RABGEF1: variants seen among roughly 807,000 people sequenced by gnomAD.
RABGEF1 encodes RAB guanine nucleotide exchange factor 1.
RABGEF1 carries 26 observed loss-of-function variants against 57.3 expected under a neutral mutation model. The ratio of observed to expected loss-of-function variants is 0.45; its 90% CI spans 0.33 to 0.63. The LOEUF is 0.63. RABGEF1 is among the 20% of genes least tolerant of loss of function. The pLI, the probability that RABGEF1 is intolerant of heterozygous loss-of-function variation, is 0.02. For synonymous variants in RABGEF1, 185 were observed against 210.7 expected (o/e 0.88, Z 1.06); for missense variants, 464 against 607.6 (o/e 0.76, Z 2.48).
In RABGEF1 at chr7:66,795,530, A is replaced by C; in HGVS notation, c.533A>C (p.Gln178Pro). 1 of 1,611,700 alleles carries C rather than the reference A, an allele frequency of 6.2e-7. No individual in the cohort carries two copies. Among genetic ancestry groups the C allele is most frequent in the Non-Finnish European group, 8.5e-7 (1 of 1,177,794 alleles). ...HYKRDLSIEE[Q>P]SECAQDFYHN... ...TTTCAGGATCTAAGCATTGAAGAAC[A>C]GTCAGAGTGTGCTCAGGATTTCTAC... is the stretch of plus-strand genomic sequence containing the variant. The change falls in exon 5 of 9, where the codon CAG becomes CCG. Residue 178 changes from glutamine (Q) to proline (P), a missense_variant. Gln to Pro is a moderately conservative substitution (Grantham distance 76, BLOSUM62 -1). Transcript: ENST00000284957.
At position 66,696,158 on chromosome 7, in the gene RABGEF1, T is replaced by C. The variant is rs556823498; in HGVS notation, c.-873+13900T>C. 7.2e-5 allele frequency among the ~76,000 whole-genome samples: 11 copies of C among 152,192 alleles called. No individual in the cohort carries two copies. The East Asian group carries it at 1.9e-3, about 27-fold the overall frequency. On this transcript the variant is annotated intron_variant and NMD_transcript_variant, in intron 1 of 9. Transcript: ENST00000607882. ...ATAGCTCATTGCAGCCTCAAACTCCTGGGCTCAAGCTATCCTCTCGCTTCT... is the reference window on the plus strand; with the variant it reads ...ATAGCTCATTGCAGCCTCAAACTCCCGGGCTCAAGCTATCCTCTCGCTTCT...
intron 8 of RABGEF1, among the ~76,000 whole-genome samples, chr7:66,806,020 C>T (rs1788370172): frequency 6.6e-6 from 1 of 151,962 alleles, no homozygotes; most frequent in South Asian, 2.1e-4. Flanking sequence ...GTTGGAACTG[C>T]AGGCATGAGC....
chr7:66,718,716 G>C (rs1049410491), intron 2 of RABGEF1, among the ~76,000 whole-genome samples: 4 of 152,214 alleles, frequency 2.6e-5, no homozygotes, highest in East Asian at 1.9e-4. Flanking sequence ...GGCCAGCCTG[G>C]AACCTGGGGA....
At chr7:66,720,197 T>TTA (rs1562734007) in intron 2 of RABGEF1, among the ~76,000 whole-genome samples, 116 of 133,358 alleles carry the variant, frequency 8.7e-4, no homozygotes, top group Middle Eastern at 4.2e-3. Flanking sequence ...TATTATTATT[T>TTA]TTTTTTTTTT....
intron 1 of RABGEF1, among the ~76,000 whole-genome samples, chr7:66,748,214 G>A (rs1369322923): frequency 4.6e-5 from 7 of 152,102 alleles, no homozygotes; most frequent in Non-Finnish European, 2.9e-5. Context: ...TGTGTAAGAC[G>A]GTGACATAAC....
intron 1 of RABGEF1, among the ~76,000 whole-genome samples, chr7:66,691,477 A>G (rs998198250): frequency 1.3e-5 from 2 of 152,190 alleles, no homozygotes; most frequent in East Asian, 1.9e-4. Flanking sequence ...GTGTCAAAAA[A>G]TATGCTGAGT....
the RABGEF1 span, among the ~76,000 whole-genome samples, chr7:66,663,758 TA>T: frequency 6.6e-6 from 1 of 151,004 alleles, no homozygotes; most frequent in Non-Finnish European, 1.5e-5. Flanking sequence ...TAAATAAAAA[TA>T]AAAAAATAAA....
the RABGEF1 span, among the ~76,000 whole-genome samples, chr7:66,658,393 T>C: frequency 0.04 from 6,011 of 151,812 alleles, 172 homozygotes; most frequent in East Asian, 0.089. Flanking sequence ...ATGAGCTGGG[T>C]GTGGTGGCAG....
intron 2 of RABGEF1, among the ~76,000 whole-genome samples, chr7:66,720,169 CATT>C (rs200225436): frequency 0.061 from 8,125 of 133,752 alleles, 271 homozygotes; most frequent in Middle Eastern, 0.15. Context: ...AACATCCATT[CATT>C]ATTATTATTA....
chr7:66,753,133 C>T (rs1429029362), intron 1 of RABGEF1, among the ~76,000 whole-genome samples: 1 of 152,140 alleles, frequency 6.6e-6, no homozygotes, highest in Non-Finnish European at 1.5e-5. Context: ...AGTCAGATGT[C>T]CCTTGATCCT....
At chr7:66,670,912 C>T in the RABGEF1 span, among the ~76,000 whole-genome samples, 3 of 151,868 alleles carry the variant, frequency 2.0e-5, no homozygotes, top group African/African-American at 7.3e-5. Flanking sequence ...CACACACACA[C>T]ACACACACAC....
At chr7:66,738,593 G>A (rs1477533426), upstream of RABGEF1, among the ~76,000 whole-genome samples, 4 of 151,978 alleles carry the variant, frequency 2.6e-5, no homozygotes, top group Non-Finnish European at 5.9e-5. Context: ...CTAGCTGGGT[G>A]TGCTGGCACA....
chr7:66,759,817 CA>C (rs1803807280), intron 1 of RABGEF1, among the ~76,000 whole-genome samples: 1 of 152,210 alleles, frequency 6.6e-6, no homozygotes, highest in Non-Finnish European at 1.5e-5. Context: ...CCACTTCCAA[CA>C]TTGGGGATTA....
intron 1 of RABGEF1, among the ~76,000 whole-genome samples, chr7:66,702,912 GT>G (rs1793503987): frequency 6.6e-6 from 1 of 152,014 alleles, no homozygotes; most frequent in Non-Finnish European, 1.5e-5. Flanking sequence ...AATATTTTCT[GT>G]CATTCTGTAG....
chr7:66,753,753 C>CTGGT (rs1246390699), intron 1 of RABGEF1, among the ~76,000 whole-genome samples: 1 of 124,928 alleles, frequency 8.0e-6, no homozygotes, highest in Non-Finnish European at 1.6e-5. Flanking sequence ...GTCACCTGGG[C>CTGGT]TGGTGTGCAG....
intron 4 of RABGEF1, among the ~76,000 whole-genome samples, chr7:66,790,535 G>A (rs1479086249): frequency 2.6e-5 from 4 of 152,218 alleles, no homozygotes; most frequent in African/African-American, 9.6e-5. Flanking sequence ...AGTTACAAAA[G>A]TGAGGTTCAA....
intron 2 of RABGEF1, among the ~76,000 whole-genome samples, chr7:66,720,901 A>C: frequency 6.6e-6 from 1 of 152,110 alleles, no homozygotes; most frequent in African/African-American, 2.4e-5. Flanking sequence ...GAAATTTTAA[A>C]AACAAAGCCA....
intron 7 of RABGEF1, among the ~76,000 whole-genome samples, chr7:66,803,905 A>G (rs1163916226): frequency 2.0e-5 from 3 of 149,614 alleles, no homozygotes; most frequent in African/African-American, 7.5e-5. Flanking sequence ...AAAAAAAAAG[A>G]AAGAAAGAAA....
chr7:66,724,383 C>T (rs1385993784), intron 2 of RABGEF1, among the ~76,000 whole-genome samples: 5 of 150,292 alleles, frequency 3.3e-5, no homozygotes, highest in Admixed American at 1.3e-4. Context: ...TTTTTTGAGA[C>T]GGAGTCTCGC....
Sources: allele counts gnomAD v4.1 joint callset (sites outside exome capture counted in the v4.1 genomes callset), GRCh38; gene constraint gnomAD v4.1.1; transcripts MANE v1.5; gene names NCBI Gene and HGNC (gene_info 2026-07-23, HGNC 2026-07-21).